Variants in SEMA3D observed in about 807,000 individuals in gnomAD.
The protein encoded by SEMA3D is semaphorin 3D.
SEMA3D carries 84 observed loss-of-function variants against 100.1 expected under a neutral mutation model. That is an observed-to-expected ratio of 0.84 (90% CI 0.70 to 1.01). The LOEUF is 1.01. Among genes scored for constraint, SEMA3D ranks in the 50% least tolerant of loss-of-function variants. The pLI, the probability that SEMA3D is intolerant of heterozygous loss-of-function variation, is 0.00. For missense variants in SEMA3D, 875 were observed against 934.1 expected (o/e 0.94, Z 0.82); for synonymous variants, 312 against 320.7 (o/e 0.97, Z 0.29).
chr7:85,235,874 G>T, the SEMA3D span, among the ~76,000 whole-genome samples: 3 of 152,278 alleles, frequency 2.0e-5, no homozygotes, highest in Admixed American at 2.0e-4. Context: ...AAGGGAATAG[G>T]AGAGGTGGCT....
the SEMA3D span, among the ~76,000 whole-genome samples, chr7:85,193,461 T>C: frequency 6.6e-6 from 1 of 152,226 alleles, no homozygotes; most frequent in African/African-American, 2.4e-5. Flanking sequence ...TGGAATATTC[T>C]GTTCTCGTTG....
At chr7:85,158,905 T>C (rs1790670657) in intron 1 of SEMA3D, among the ~76,000 whole-genome samples, 1 of 152,132 alleles carries the variant, frequency 6.6e-6, no homozygotes, top group African/African-American at 2.4e-5. Flanking sequence ...TTTTTCTGTT[T>C]CACTAAGATC....
chr7:85,188,200 A>G (rs1028665050), upstream of SEMA3D, among the ~76,000 whole-genome samples: 7 of 152,198 alleles, frequency 4.6e-5, no homozygotes, highest in Admixed American at 3.3e-4. Context: ...CACAGAAGCT[A>G]AAGGAGTCAT....
intron 2 of SEMA3D, among the ~76,000 whole-genome samples, chr7:85,128,418 C>T (rs376060531): frequency 6.6e-6 from 1 of 152,060 alleles, no homozygotes; most frequent in Non-Finnish European, 1.5e-5. Context: ...ATCCACCTGC[C>T]TCAGGCTCCC....
At chr7:85,229,935 C>G in the SEMA3D span, among the ~76,000 whole-genome samples, 1 of 152,024 alleles carries the variant, frequency 6.6e-6, no homozygotes, top group Admixed American at 6.5e-5. Flanking sequence ...AAGAAAAAAA[C>G]TCTTCTTAAC....
At chr7:85,028,066 AT>A (rs1476240176) in intron 12 of SEMA3D, 2 of 603,226 alleles carry the variant, frequency 3.3e-6, no homozygotes, top group Non-Finnish European at 6.2e-6. Flanking sequence ...AGATTTGATG[AT>A]GCCATTGTCC....
the SEMA3D span, among the ~76,000 whole-genome samples, chr7:85,218,075 G>A: frequency 6.6e-6 from 1 of 152,022 alleles, no homozygotes; most frequent in Non-Finnish European, 1.5e-5. Flanking sequence ...CAGGAGTGTA[G>A]GAGTCTCAAA....
intron 1 of SEMA3D, among the ~76,000 whole-genome samples, chr7:85,178,818 G>A (rs1200121275): frequency 3.3e-5 from 5 of 152,190 alleles, no homozygotes; most frequent in African/African-American, 1.2e-4. Flanking sequence ...CACAGGCCTG[G>A]AGGCCTAGAA....
chr7:85,175,401 C>T (rs1241214796), intron 1 of SEMA3D, among the ~76,000 whole-genome samples: 2 of 152,146 alleles, frequency 1.3e-5, no homozygotes, highest in Non-Finnish European at 2.9e-5. Context: ...GCATAGCATT[C>T]CTTCTCTTTG....
the SEMA3D span, among the ~76,000 whole-genome samples, chr7:85,233,040 T>G: frequency 6.6e-6 from 1 of 152,108 alleles, no homozygotes; most frequent in Non-Finnish European, 1.5e-5. Context: ...GGAAAGAAAA[T>G]CTACATTTAA....
intron 2 of SEMA3D, among the ~76,000 whole-genome samples, chr7:85,136,081 A>C (rs2116447656): frequency 6.6e-6 from 1 of 152,244 alleles, no homozygotes; most frequent in South Asian, 2.1e-4. Context: ...CAAGCTACTC[A>C]GAGGAAAAAT....
At chr7:85,227,235 T>C in the SEMA3D span, among the ~76,000 whole-genome samples, 1 of 152,200 alleles carries the variant, frequency 6.6e-6, no homozygotes, top group Non-Finnish European at 1.5e-5. Flanking sequence ...CATTATTCTT[T>C]GAAACATTGT....
the SEMA3D span, among the ~76,000 whole-genome samples, chr7:85,212,423 G>A: frequency 3.3e-5 from 5 of 152,226 alleles, no homozygotes; most frequent in Admixed American, 1.3e-4. Flanking sequence ...GAATAGCAAT[G>A]TGTACCTGTT....
intron 12 of SEMA3D, among the ~76,000 whole-genome samples, chr7:85,035,199 TGTATC>T (rs948128514): frequency 6.6e-6 from 1 of 151,304 alleles, no homozygotes; most frequent in African/African-American, 2.4e-5. Flanking sequence ...ATATGAGACT[TGTATC>T]ATATATAAAT....
chr7:85,211,336 GT>G, the SEMA3D span, among the ~76,000 whole-genome samples: 1 of 151,984 alleles, frequency 6.6e-6, no homozygotes, highest in African/African-American at 2.4e-5. Flanking sequence ...TGAGTTCCCA[GT>G]TTTCCCTCTC....
At chr7:85,025,278 T>A (rs1332163163) in intron 12 of SEMA3D, among the ~76,000 whole-genome samples, 1 of 151,988 alleles carries the variant, frequency 6.6e-6, no homozygotes, top group East Asian at 1.9e-4. Flanking sequence ...AGTATTCTTC[T>A]CTTGTGCTGG....
intron 4 of SEMA3D, among the ~76,000 whole-genome samples, chr7:85,096,383 T>G (rs973940296): frequency 7.2e-5 from 11 of 151,944 alleles, no homozygotes; most frequent in Admixed American, 6.6e-5. Flanking sequence ...GCTTATTTTA[T>G]TTTATGTTAA....
rs1056506139 is a variant in SEMA3D, at chr7:84,997,366, G to C, written c.*2074C>G. The C allele has an allele frequency of 6.6e-6, 1 of 151,946 alleles. No individual in the cohort carries two copies. Among genetic ancestry groups the C allele is most frequent in the East Asian group, 1.9e-4 (1 of 5,196 alleles). The allele number at this position is 151,946 out of a possible 1,614,324, so 9.4% of individuals were successfully genotyped here. A position where few individuals can be genotyped will look rare whatever the true frequency, so the allele number is the denominator to read the frequency against. ...TGCTTTGAGCTCGCTATGAGTTCCT[G>C]GAATATTTTGTCCAAGCAAATCTAT... On this transcript the variant is annotated 3_prime_UTR_variant, in exon 19 of 19. Transcript: ENST00000284136.
the SEMA3D span, among the ~76,000 whole-genome samples, chr7:85,193,507 G>A: frequency 1.3e-5 from 2 of 152,106 alleles, no homozygotes; most frequent in Admixed American, 6.6e-5. Flanking sequence ...TATGACCAGC[G>A]TCTAACCTGC....
Sources: gnomAD v4.1 joint callset for allele counts (sites outside exome capture counted in the v4.1 genomes callset) on GRCh38, gnomAD v4.1.1 for gene constraint, MANE v1.5 for transcripts, NCBI Gene and HGNC (gene_info 2026-07-23, HGNC 2026-07-21) for gene names.